MACF1: variants seen among roughly 807,000 people sequenced by gnomAD.
The protein encoded by MACF1 is microtubule actin crosslinking factor 1.
MACF1 carries 193 observed loss-of-function variants against 854.8 expected under a neutral mutation model. That is an observed-to-expected ratio of 0.23 (90% confidence interval 0.20 to 0.25). MACF1 has a LOEUF of 0.25. Ranked by LOEUF, MACF1 falls within the 10% of genes least tolerant of loss-of-function variation. MACF1 has a pLI of 1.00. For missense variants in MACF1, 7,722 were observed against 8,929.1 expected (o/e 0.86, Z 5.45); for synonymous variants, 3,185 against 3,226.7 (o/e 0.99, Z 0.44).
At chr1:39,346,311 G>A (rs563204062) in intron 40 of MACF1, among the ~76,000 whole-genome samples, 2 of 151,700 alleles carry the variant, frequency 1.3e-5, no homozygotes, top group Non-Finnish European at 2.9e-5. Flanking sequence ...GCAGTGAGCC[G>A]AGATGGCGCC....
intron 6 of MACF1, chr1:39,269,362 T>G: frequency 7.8e-7 from 1 of 1,289,772 alleles, no homozygotes; most frequent in Non-Finnish European, 1.0e-6. Flanking sequence ...GGCTGGAGTG[T>G]GGAGGAAGGA....
At chr1:39,349,011 G>A (rs2148497402) in intron 41 of MACF1, among the ~76,000 whole-genome samples, 1 of 152,254 alleles carries the variant, frequency 6.6e-6, no homozygotes, top group Non-Finnish European at 1.5e-5. Flanking sequence ...TTATTAAGAA[G>A]CTCGATTAAC....
At chr1:39,289,947 G>A (rs111273999) in intron 15 of MACF1, among the ~76,000 whole-genome samples, 4,376 of 151,980 alleles carry the variant, frequency 0.029, 118 homozygotes, top group East Asian at 0.16. Flanking sequence ...TGATCCACCC[G>A]TCTCGGCCTC....
chr1:39,396,137 G>A (rs909675339), intron 58 of MACF1, among the ~76,000 whole-genome samples: 29 of 152,210 alleles, frequency 1.9e-4, no homozygotes, highest in African/African-American at 6.7e-4. Context: ...TCAGGAGATC[G>A]AGACCATTCT....
At chr1:39,275,326 C>T (rs948383835) in intron 6 of MACF1, among the ~76,000 whole-genome samples, 1 of 152,084 alleles carries the variant, frequency 6.6e-6, no homozygotes, top group African/African-American at 2.4e-5. Context: ...TCGTGACCCG[C>T]CCGCCTCTGC....
rs1645071280 is a variant in MACF1 at position 39,254,022 on chromosome 1, A to G, written c.358-276A>G. The G allele has an allele frequency of 8.0e-6, 3 of 376,724 alleles. No individual in the cohort carries two copies. In the South Asian group the frequency reaches 1.2e-4, roughly 15 times the overall value. The allele number at this position is 376,724 out of a possible 1,614,324, so 23.3% of individuals were successfully genotyped here. A position where few individuals can be genotyped will look rare whatever the true frequency, so the allele number is the denominator to read the frequency against. ...CACATGTGACTGCAGATGAACCTGA[A>G]CAGAAGCTGTGGCATTGATTCGGCA... On this transcript the variant is annotated intron_variant, in intron 4 of 100. Coordinates refer to ENST00000564288, the MANE Select transcript of MACF1 (RefSeq NM_001394062.1).
chr1:39,484,553 C>T (rs771802734), intron 99 of MACF1, 48 bp from the exon 100 acceptor site: 1 of 1,559,398 alleles, frequency 6.4e-7, no homozygotes, highest in South Asian at 1.2e-5. Flanking sequence ...GAATTTCTGG[C>T]AAAGATTTTA....
intron 80 of MACF1, among the ~76,000 whole-genome samples, chr1:39,446,678 C>T (rs1247574727): frequency 6.6e-6 from 1 of 152,024 alleles, no homozygotes; most frequent in African/African-American, 2.4e-5. Context: ...ACTTTGCCTG[C>T]CTAGTAGGGG....
upstream of MACF1, among the ~76,000 whole-genome samples, chr1:39,203,755 T>C (rs1644418523): frequency 1.3e-5 from 2 of 152,202 alleles, no homozygotes; most frequent in South Asian, 4.1e-4. Context: ...GAATCATCTG[T>C]GTCGTCGTAT....
intron 97 of MACF1, among the ~76,000 whole-genome samples, chr1:39,476,954 G>A (rs1039287756): frequency 4.2e-5 from 6 of 143,480 alleles, no homozygotes; most frequent in African/African-American, 1.5e-4. Context: ...ACTTCTCCCT[G>A]CCCACTTCTA....
chr1:39,447,357 C>T (rs954411434), intron 80 of MACF1, 75 bp from the exon 81 acceptor site: 174 of 1,418,112 alleles, frequency 1.2e-4, no homozygotes, highest in Non-Finnish European at 1.0e-4. Context: ...CAATTCATGC[C>T]TTTGTCGCTG....
At chr1:39,443,215 C>T (rs1453183637) in intron 78 of MACF1, among the ~76,000 whole-genome samples, 2 of 152,130 alleles carry the variant, frequency 1.3e-5, no homozygotes, top group Admixed American at 6.5e-5. Flanking sequence ...AATCAATAGT[C>T]AATTCATCTG....
intron 6 of MACF1, among the ~76,000 whole-genome samples, chr1:39,274,749 A>G (rs552833378): frequency 7.9e-5 from 12 of 152,356 alleles, no homozygotes; most frequent in South Asian, 4.1e-4. Context: ...CAATTCTGCA[A>G]CTTACTAGCA....
At chr1:39,147,335 CT>C (rs2148191757) in intron 2 of MACF1, among the ~76,000 whole-genome samples, 1 of 142,100 alleles carries the variant, frequency 7.0e-6, no homozygotes, top group African/African-American at 2.6e-5. Context: ...CCTTCCTTTT[CT>C]TTTTCCTTCT....
chr1:39,335,894 C>T lies in MACF1; in HGVS notation c.9306C>T (p.Phe3102=), dbSNP rs368806330. 1.2e-5 allele frequency: 19 copies of T among 1,613,958 alleles called. No individual in the cohort carries two copies. Among genetic ancestry groups the T allele is most frequent in the African/African-American group, 2.7e-5 (2 of 74,882 alleles). ...EIACGAQSEP[F]PCMTPRPEGL... The stretch of plus-strand genomic sequence containing the variant: ...CCTGTGGGGCCCAGAGTGAACCATT[C>T]CCTTGTATGACCCCAAGACCTGAAG... Residue 3102 remains phenylalanine (F), a synonymous_variant, in exon 37 of 101, where the codon TTC becomes TTT. Coordinates refer to ENST00000564288, the MANE Select transcript of MACF1 (RefSeq NM_001394062.1).
intron 2 of MACF1, among the ~76,000 whole-genome samples, chr1:39,086,044 T>C (rs1395742056): frequency 6.6e-6 from 1 of 152,218 alleles, no homozygotes; most frequent in Non-Finnish European, 1.5e-5. Context: ...CCTTGTTCAA[T>C]GTAGCAGTTA....
Position 39,428,165 on chromosome 1 carries a change from C to T in MACF1, c.16681C>T (p.Leu5561=). ...TGACCAAGCTCTGTCTAATGCTAGGCTGTTTGGGGAGGATGAGGTGGAGGT... is the reference window on the plus strand; with the variant it reads ...TGACCAAGCTCTGTCTAATGCTAGGTTGTTTGGGGAGGATGAGGTGGAGGT... ...LLDQALSNAR[L]FGEDEVEVLN... is the part of the protein sequence containing the mutation. The change falls in exon 63 of 101, where the codon CTG becomes TTG. Residue 5561 remains leucine, a synonymous_variant. Transcript: ENST00000564288. 1 of 1,614,150 alleles carries T rather than the reference C, an allele frequency of 6.2e-7. No homozygotes were observed.
In MACF1 at chr1:39,269,789, T is replaced by C; in HGVS notation, c.528+11761T>C. On this transcript the variant is annotated intron_variant, in intron 6 of 100. Transcript: ENST00000564288. The stretch of plus-strand genomic sequence containing the variant: ...TCTTGGCCCTCAAACATATTAAAGC[T>C]GAGTGTGGTGAGCAGTGAGGATGTT... 11 of 1,182,184 alleles carry C rather than the reference T, an allele frequency of 9.3e-6. No individual in the cohort carries two copies. In the South Asian group the frequency reaches 1.6e-4, roughly 17 times the overall value. 73.2% of individuals were successfully genotyped at this position (1,182,184 alleles called of 1,614,324 possible).
intron 1 of MACF1, among the ~76,000 whole-genome samples, chr1:39,208,194 G>A (rs1490252981): frequency 4.8e-5 from 7 of 145,698 alleles, no homozygotes; most frequent in African/African-American, 7.6e-5. Context: ...AATCTACTCC[G>A]TTCCTGTTTC....
Sources: allele counts gnomAD v4.1 joint callset (sites outside exome capture counted in the v4.1 genomes callset), GRCh38; gene constraint gnomAD v4.1.1; transcripts MANE v1.5; gene names NCBI Gene and HGNC (gene_info 2026-07-23, HGNC 2026-07-21).